HSF1: variants seen among roughly 807,000 people sequenced by gnomAD.
HSF1 encodes the protein heat shock factor protein 1.
HSF1 carries 32 observed loss-of-function variants against 51.7 expected under a neutral mutation model. The observed-to-expected ratio is 0.62, with a 90% confidence interval of 0.47 to 0.83. The LOEUF (loss-of-function observed/expected upper bound fraction) is 0.83, where lower values mean the gene tolerates loss of function less well. HSF1 is among the 40% of genes least tolerant of loss of function. The pLI is 0.00. For synonymous variants in HSF1, 396 were observed against 309.7 expected (o/e 1.28, Z -2.92); for missense variants, 727 against 717.0 (o/e 1.01, Z -0.16).
chr8:144,296,993 G>A (rs1554841422), intron 1 of HSF1, among the ~76,000 whole-genome samples: 1 of 152,144 alleles, frequency 6.6e-6, no homozygotes, highest in Non-Finnish European at 1.5e-5. Context: ...CTCCTGGGGG[G>A]AGGCAGATGC....
At position 144,314,604 on chromosome 8, in the gene HSF1, AT is replaced by A. The variant is rs1817103314; in HGVS notation, c.*278del. On this transcript the variant is annotated 3_prime_UTR_variant, in exon 13 of 13. Transcript: ENST00000528838. The stretch of plus-strand genomic sequence containing the variant: ...GCAGGTTGTTCATAGTCAGAATTGT[AT>A]TTTGGATTTTTACACAACTGTCCCG... 1.9e-6 allele frequency: 1 copy of A among 521,356 alleles called. No homozygotes were observed. The highest frequency in any genetic ancestry group is 3.5e-6 in the Non-Finnish European group (1 of 288,950). 32.3% of individuals were successfully genotyped at this position (521,356 alleles called of 1,614,324 possible). A position where few individuals can be genotyped will look rare whatever the true frequency, so the allele number is the denominator to read the frequency against.
At chr8:144,304,111 A>G (rs539902656) in intron 1 of HSF1, among the ~76,000 whole-genome samples, 2 of 148,796 alleles carry the variant, frequency 1.3e-5, no homozygotes, top group South Asian at 4.4e-4. Flanking sequence ...TGCCCAGCCC[A>G]TGAGATCCAG....
rs1554844321 is a variant in HSF1, at chr8:144,311,315, C to A, written c.565-6C>A. ...GCCGGGGTAACTGTGTCCTCTCTCT[C>A]CACAGCTCATTCAGTTCCTGATCTC... On this transcript the variant is annotated splice_region_variant and splice_polypyrimidine_tract_variant and intron_variant, in intron 5 of 12. Coordinates refer to ENST00000528838, the MANE Select transcript of HSF1 (RefSeq NM_005526.4). 6.2e-7 allele frequency: 1 copy of A among 1,613,938 alleles called. No individual in the cohort carries two copies. The highest frequency in any genetic ancestry group is 1.7e-5 in the Admixed American group (1 of 60,026).
intron 1 of HSF1, among the ~76,000 whole-genome samples, chr8:144,299,628 G>T (rs984703973): frequency 6.6e-6 from 1 of 151,738 alleles, no homozygotes; most frequent in African/African-American, 2.4e-5. Context: ...TGTGACTGAG[G>T]GCTGGGCGTG....
chr8:144,292,193 G>C (rs782242989), intron 1 of HSF1, among the ~76,000 whole-genome samples: 9 of 152,256 alleles, frequency 5.9e-5, no homozygotes, highest in African/African-American at 1.2e-4. Context: ...TCCGCGCTTA[G>C]GGCAAGCACC....
In HSF1 at chr8:144,313,715, GCCTCCCCGCCCCGCCT is replaced by G. The variant is rs1816935889; in HGVS notation, c.1248+102_1249-113del. Reference sequence around the variant, plus strand: ...CCCCGCCTCCCCGCGCCGCCGCCCCGCCTCCCCGCCCCGCCTCCCCGCGCCTCCCCGCCTCCCCGCC... The same window carrying G: ...CCCCGCCTCCCCGCGCCGCCGCCCCGCCCCGCGCCTCCCCGCCTCCCCGCC... On this transcript the variant is annotated intron_variant, in intron 10 of 12. Transcript: ENST00000528838. The G allele has an allele frequency of 1.2e-3, 94 of 78,666 alleles. 17 individuals carry two copies. Among genetic ancestry groups the G allele is most frequent in the African/African-American group, 7.5e-3 (84 of 11,138 alleles). 4.9% of individuals were successfully genotyped at this position (78,666 alleles called of 1,614,324 possible).
At position 144,297,853 on chromosome 8, in the gene HSF1, C is replaced by G. The variant is rs2130337033; in HGVS notation, c.117+5979C>G. ...ATACGGCACTGTTCACGTTTTGGGCCAGGGAGCCCTTTGAGAAGATACTCA... is the reference window on the plus strand; with the variant it reads ...ATACGGCACTGTTCACGTTTTGGGCGAGGGAGCCCTTTGAGAAGATACTCA... On this transcript the variant is annotated intron_variant, in intron 1 of 12. Coordinates refer to ENST00000528838, the MANE Select transcript of HSF1 (RefSeq NM_005526.4). The surrounding 1 kb of genome is among the most constrained non-coding windows in gnomAD (Gnocchi z 4.6). Among the ~76,000 whole-genome samples the G allele has an allele frequency of 6.6e-6, 1 of 152,296 alleles. No homozygotes were observed. The highest frequency in any genetic ancestry group is 2.4e-5 in the African/African-American group (1 of 41,568).
intron 1 of HSF1, among the ~76,000 whole-genome samples, chr8:144,303,931 G>T (rs1816055239): frequency 6.6e-6 from 1 of 152,218 alleles, no homozygotes; most frequent in Non-Finnish European, 1.5e-5. Flanking sequence ...TGGGAGCTGT[G>T]GGGAGGGTGA....
At chr8:144,309,401 A>G in intron 2 of HSF1, 54 bp from the exon 3 acceptor site, 1 of 1,606,864 alleles carries the variant, frequency 6.2e-7, no homozygotes, top group Middle Eastern at 1.7e-4. Flanking sequence ...GCCGCTCTTC[A>G]GGGGTTCTGG....
intron 4 of HSF1, chr8:144,310,119 C>G (rs1448373671): frequency 1.8e-5 from 10 of 564,932 alleles, no homozygotes; most frequent in Non-Finnish European, 2.8e-5. Flanking sequence ...TTGGGAGGGT[C>G]CCCTGCTCTG....
At chr8:144,292,115 C>T (rs1395069170) in intron 1 of HSF1, among the ~76,000 whole-genome samples, 1 of 152,234 alleles carries the variant, frequency 6.6e-6, no homozygotes, top group Non-Finnish European at 1.5e-5. Flanking sequence ...CGAAGTTTCC[C>T]TGGGATGGGG....
At position 144,304,332 on chromosome 8, in the gene HSF1, T is replaced by C. The variant is rs528598771; in HGVS notation, c.118-4574T>C. ...ATGCGTTTAGGACAGTTTTGAGACT[T>C]TAAGTGGTTTAAGCTTTGCTTGTTT... is the stretch of plus-strand genomic sequence containing the variant. On this transcript the variant is annotated intron_variant, in intron 1 of 12. Coordinates refer to ENST00000528838, the MANE Select transcript of HSF1 (RefSeq NM_005526.4). 2.6e-5 allele frequency among the ~76,000 whole-genome samples: 4 copies of C among 152,326 alleles called. No homozygotes were observed. The South Asian group carries it at 8.3e-4, about 32-fold the overall frequency.
chr8:144,295,990 ACT>A (rs547160902), intron 1 of HSF1, among the ~76,000 whole-genome samples: 40 of 151,910 alleles, frequency 2.6e-4, no homozygotes, highest in Non-Finnish European at 5.6e-4. Context: ...AGCTGGAAAG[ACT>A]CTAGAAGGAT....
rs1564625551 is a variant in HSF1 at position 144,313,652 on chromosome 8, GCCTCC to G, written c.1248+39_1248+43del. 3.1e-4 allele frequency: 75 copies of G among 241,514 alleles called. 1 individual carries two copies. Among genetic ancestry groups the G allele is most frequent in the African/African-American group, 1.1e-3 (12 of 11,356 alleles). 15.0% of individuals were successfully genotyped at this position (241,514 alleles called of 1,614,324 possible). A position where few individuals can be genotyped will look rare whatever the true frequency, so the allele number is the denominator to read the frequency against. ...CCCCGCCGCCCCGCCTCCCCGCCCC[GCCTCC>G]CCGCCGCGCCGCCCCGCCTCCCCGC... On this transcript the variant is annotated intron_variant, in intron 10 of 12. Transcript: ENST00000528838.
rs140695971 is a variant in HSF1, at chr8:144,302,714, C to T, written c.118-6192C>T. Among the ~76,000 whole-genome samples the T allele has an allele frequency of 7.6e-3, 1,150 of 151,612 alleles. 16 individuals carry two copies. The highest frequency in any genetic ancestry group is 0.026 in the African/African-American group (1,075 of 41,400). The stretch of plus-strand genomic sequence containing the variant: ...GTGTGCTCCTGTGGGCCCAGCTACG[C>T]GGGAGGCTGAGGTGGGAGGATCTCT... On this transcript the variant is annotated intron_variant, in intron 1 of 12. Transcript: ENST00000528838.
At chr8:144,312,621 C>T (rs1311117568) in intron 9 of HSF1, 2 of 1,534,928 alleles carry the variant, frequency 1.3e-6, no homozygotes, top group Non-Finnish European at 1.7e-6. Context: ...GTTTTTGTAT[C>T]TTGCAGTTTG....
chr8:144,312,710 G>A, intron 9 of HSF1: 3 of 1,535,360 alleles, frequency 2.0e-6, no homozygotes, highest in Non-Finnish European at 2.6e-6. Flanking sequence ...AGTCCAGCCA[G>A]GGTTAGCGCT....
At chr8:144,299,625 G>A (rs1362525518) in intron 1 of HSF1, among the ~76,000 whole-genome samples, 1 of 151,954 alleles carries the variant, frequency 6.6e-6, no homozygotes, top group Non-Finnish European at 1.5e-5. Context: ...AAATGTGACT[G>A]AGGGCTGGGC....
intron 9 of HSF1, 130 bp from the exon 10 acceptor site, chr8:144,313,381 T>C (rs1588668000): frequency 3.1e-6 from 2 of 644,778 alleles, no homozygotes; most frequent in Admixed American, 2.5e-5. Flanking sequence ...CGCTGCCCCC[T>C]CCAGCCTGTG....
Sources: allele counts gnomAD v4.1 joint callset (sites outside exome capture counted in the v4.1 genomes callset), GRCh38; gene constraint gnomAD v4.1.1; non-coding constraint Gnocchi (gnomAD v3.1); transcripts MANE v1.5; gene names NCBI Gene and HGNC (gene_info 2026-07-23, HGNC 2026-07-21).